LMNTD1: variants seen among roughly 807,000 people sequenced by gnomAD.
LMNTD1 encodes the protein lamin tail domain-containing protein 1.
Under a neutral mutation model 50.9 loss-of-function variants are expected in LMNTD1, and 35 were observed. The ratio of observed to expected loss-of-function variants is 0.69; its 90% CI spans 0.53 to 0.91. The LOEUF (loss-of-function observed/expected upper bound fraction) is 0.91. Among genes scored for constraint, LMNTD1 ranks in the 40% least tolerant of loss-of-function variants. The probability of loss-of-function intolerance (pLI) is 0.00; values close to 1 mark genes in which losing one functional copy is unlikely to be tolerated. For synonymous variants in LMNTD1, 153 were observed against 161.9 expected, an observed-to-expected ratio of 0.94 and a Z score of 0.42; for missense variants, 470 against 475.5, an observed-to-expected ratio of 0.99 and a Z score of 0.11.
chr12:25,623,096 G>T (rs372499414), intron 1 of LMNTD1, among the ~76,000 whole-genome samples: 1 of 151,964 alleles, frequency 6.6e-6, no homozygotes. Flanking sequence ...AATAACACAA[G>T]AATTTTTTTT....
intron 3 of LMNTD1, among the ~76,000 whole-genome samples, chr12:25,547,548 A>G (rs1290896227): frequency 6.6e-6 from 1 of 151,780 alleles, no homozygotes; most frequent in East Asian, 1.9e-4. Context: ...TTTAAATCTT[A>G]CATCTTTAGC....
chr12:25,509,742 G>C lies in LMNTD1; in HGVS notation c.1190-5942C>G, dbSNP rs74587258. Among the ~76,000 whole-genome samples, 69 of 152,270 alleles carry C rather than the reference G, an allele frequency of 4.5e-4. No homozygotes were observed. The East Asian group carries it at 0.012, about 26-fold the overall frequency. ...GTGACTGACATTCTTATAAAGAAGA[G>C]AGAAATTGGACACAGACACACAGGA... On this transcript the variant is annotated intron_variant, in intron 8 of 9. Transcript: ENST00000458174.
At chr12:25,513,626 ACT>A (rs1323665103) in intron 8 of LMNTD1, among the ~76,000 whole-genome samples, 1 of 152,196 alleles carries the variant, frequency 6.6e-6, no homozygotes, top group African/African-American at 2.4e-5. Context: ...AGAGAGTCAG[ACT>A]CTGCTTCAAA....
At chr12:25,539,623 G>A (rs1942895738) in intron 4 of LMNTD1, among the ~76,000 whole-genome samples, 1 of 151,708 alleles carries the variant, frequency 6.6e-6, no homozygotes, top group South Asian at 2.1e-4. Flanking sequence ...GAGAAAGCAG[G>A]AAAGATCCAA....
chr12:25,481,597 G>C (rs946635947), intron 9 of LMNTD1, among the ~76,000 whole-genome samples: 1 of 151,768 alleles, frequency 6.6e-6, no homozygotes, highest in Non-Finnish European at 1.5e-5. Flanking sequence ...GCCATATTTT[G>C]GGAAAATTTT....
chr12:25,583,470 T>A (rs1366632072), intron 1 of LMNTD1, among the ~76,000 whole-genome samples: 1 of 152,154 alleles, frequency 6.6e-6, no homozygotes, highest in Non-Finnish European at 1.5e-5. Context: ...TGGCCAAAAA[T>A]ATCTTTAGAC....
chr12:25,596,348 C>T (rs1281441249), intron 1 of LMNTD1, among the ~76,000 whole-genome samples: 2 of 151,980 alleles, frequency 1.3e-5, no homozygotes, highest in South Asian at 2.1e-4. Flanking sequence ...TAACCAAATC[C>T]AACAACATAT....
rs534482819 is a variant in LMNTD1 at position 25,514,349 on chromosome 12, A to G, written c.1189+4446T>C. Among the ~76,000 whole-genome samples the G allele has an allele frequency of 4.6e-5, 7 of 152,334 alleles. No homozygotes were observed. The South Asian group carries it at 1.4e-3, about 32-fold the overall frequency. On this transcript the variant is annotated intron_variant, in intron 8 of 9. Coordinates refer to ENST00000458174, the MANE Select transcript of LMNTD1 (RefSeq NM_001145728.2). ...ACTATTTCATACCATACATAAAAAC[A>G]ACTTCAAATATATTAAAGACATATA...
At chr12:25,603,845 A>G (rs1946035189) in intron 1 of LMNTD1, among the ~76,000 whole-genome samples, 2 of 152,078 alleles carry the variant, frequency 1.3e-5, no homozygotes, top group African/African-American at 2.4e-5. Flanking sequence ...AAAAAGTGAC[A>G]TACGATTTGA....
At chr12:25,629,068 T>C (rs1479508) in intron 1 of LMNTD1, among the ~76,000 whole-genome samples, 109,700 of 152,082 alleles carry the variant, frequency 0.72, 39,865 homozygotes, top group Non-Finnish European at 0.75. Context: ...GGTATCCTAA[T>C]AACATACTGA....
intron 1 of LMNTD1, among the ~76,000 whole-genome samples, chr12:25,582,624 A>T (rs1030303015): frequency 6.6e-6 from 1 of 152,240 alleles, no homozygotes; most frequent in African/African-American, 2.4e-5. Context: ...AAACTTTTTA[A>T]AATATGACAA....
chr12:25,626,997 C>T (rs77678326), intron 1 of LMNTD1, among the ~76,000 whole-genome samples: 3,396 of 152,282 alleles, frequency 0.022, 75 homozygotes, highest in Non-Finnish European at 0.034. Context: ...GTAAGTCAGA[C>T]AAAGAACATT....
At chr12:25,515,241 T>C (rs1159454) in intron 8 of LMNTD1, among the ~76,000 whole-genome samples, 112,284 of 151,656 alleles carry the variant, frequency 0.74, 42,516 homozygotes, top group East Asian at 0.88. Context: ...TTTTCATCTA[T>C]ATTATTGACG....
intron 4 of LMNTD1, among the ~76,000 whole-genome samples, chr12:25,531,790 T>TG (rs926021183): frequency 6.6e-6 from 1 of 152,168 alleles, no homozygotes; most frequent in African/African-American, 2.4e-5. Flanking sequence ...AACAAAATCT[T>TG]GCCTTATTCG....
At chr12:25,528,007 G>A (rs1469500628) in intron 4 of LMNTD1, among the ~76,000 whole-genome samples, 1 of 151,856 alleles carries the variant, frequency 6.6e-6, no homozygotes, top group Non-Finnish European at 1.5e-5. Flanking sequence ...ATCCCTGACA[G>A]GGTGTTATAT....
Position 25,622,095 on chromosome 12 carries a change from GAA to G in LMNTD1, c.58+26397_58+26398del, listed in dbSNP as rs926424551. 6.9e-4 allele frequency among the ~76,000 whole-genome samples: 105 copies of G among 152,324 alleles called. 1 individual carries two copies. Among genetic ancestry groups the G allele is most frequent in the African/African-American group, 2.4e-3 (101 of 41,558 alleles). Reference sequence around the variant, plus strand: ...GATGGAGCAAATGCTGGATATGAAAGAAAGAGAGGAACAGCCCCAATGTTTTG... The same window carrying G: ...GATGGAGCAAATGCTGGATATGAAAGAGAGAGGAACAGCCCCAATGTTTTG... On this transcript the variant is annotated intron_variant, in intron 1 of 7. Coordinates refer to the LMNTD1 transcript ENST00000445693.
Position 25,484,669 on chromosome 12 carries a change from C to A in LMNTD1, c.*23-8209G>T, listed in dbSNP as rs199886056. Among the ~76,000 whole-genome samples, 64 of 127,862 alleles carry A rather than the reference C, an allele frequency of 5.0e-4. No individual in the cohort carries two copies. The East Asian group carries it at 8.6e-3, about 17-fold the overall frequency. The allele number at this position is 127,862 out of a possible 152,430, so 83.9% of individuals were successfully genotyped here. A position where few individuals can be genotyped will look rare whatever the true frequency, so the allele number is the denominator to read the frequency against. On this transcript the variant is annotated intron_variant, in intron 9 of 9. Transcript: ENST00000458174. The stretch of plus-strand genomic sequence containing the variant: ...TCCCTCCCCCCTCCCCCCACCCCAC[C>A]ACAGTCCCCAGAGTGTGATATTCCC...
At chr12:25,511,811 T>C (rs1363140862) in intron 8 of LMNTD1, among the ~76,000 whole-genome samples, 1 of 152,208 alleles carries the variant, frequency 6.6e-6, no homozygotes, top group Non-Finnish European at 1.5e-5. Flanking sequence ...TTTCTACTTA[T>C]ATTTCAGTCG....
At chr12:25,629,776 A>G (rs1285847620) in intron 1 of LMNTD1, among the ~76,000 whole-genome samples, 4 of 152,194 alleles carry the variant, frequency 2.6e-5, no homozygotes, top group African/African-American at 9.6e-5. Flanking sequence ...AGTAAACAAA[A>G]TGGCAGACCA....
Sources: allele counts gnomAD v4.1 joint callset (sites outside exome capture counted in the v4.1 genomes callset), GRCh38; gene constraint gnomAD v4.1.1; transcripts MANE v1.5; gene names NCBI Gene and HGNC (gene_info 2026-07-23, HGNC 2026-07-21).